The following PCBP3 variants were observed in gnomAD, a reference collection of about 807,000 sequenced individuals.
PCBP3 encodes poly(rC) binding protein 3, also known as poly(rC)-binding protein 3.
Under a neutral mutation model 52.7 loss-of-function variants are expected in PCBP3, and 25 were observed. The ratio of observed to expected loss-of-function variants is 0.47; its 90% CI spans 0.35 to 0.66. The LOEUF is 0.66. PCBP3 is among the 30% of genes least tolerant of loss of function. The probability of loss-of-function intolerance (pLI) is 0.01; values close to 1 mark genes in which losing one functional copy is unlikely to be tolerated. For synonymous variants in PCBP3, 162 were observed against 183.0 expected (o/e 0.89, Z 0.93); for missense variants, 391 against 490.3 (o/e 0.80, Z 1.91).
intron 2 of PCBP3, among the ~76,000 whole-genome samples, chr21:45,717,999 T>C (rs1032509743): frequency 6.6e-6 from 1 of 152,232 alleles, no homozygotes; most frequent in African/African-American, 2.4e-5. Context: ...TTACTAAACC[T>C]CTTCACTTGT....
chr21:45,759,763 C>T (rs958463661), intron 4 of PCBP3: 5 of 152,126 alleles, frequency 3.3e-5, no homozygotes, highest in African/African-American at 1.2e-4. Flanking sequence ...TGTGTGAAAG[C>T]CACCAATCTA....
intron 4 of PCBP3, among the ~76,000 whole-genome samples, chr21:45,765,917 C>T (rs1490213731): frequency 6.6e-6 from 1 of 152,184 alleles, no homozygotes; most frequent in Non-Finnish European, 1.5e-5. Context: ...ATAATGTATT[C>T]AAGTGGACGC....
At chr21:45,938,675 G>A (rs1250046582) in intron 16 of PCBP3, among the ~76,000 whole-genome samples, 7 of 152,172 alleles carry the variant, frequency 4.6e-5, no homozygotes, top group Non-Finnish European at 1.0e-4. Context: ...GTGTGGGGGA[G>A]CCCAGAGATG....
chr21:45,696,600 G>A (rs762225949), intron 2 of PCBP3, among the ~76,000 whole-genome samples: 1 of 152,048 alleles, frequency 6.6e-6, no homozygotes, highest in Non-Finnish European at 1.5e-5. Context: ...AGACCATCCT[G>A]GCCAACATCG....
Position 45,917,768 on chromosome 21 carries a change from T to A in PCBP3, c.717+139T>A. The A allele has an allele frequency of 2.6e-6, 2 of 771,010 alleles. No individual in the cohort carries two copies. Among genetic ancestry groups the A allele is most frequent in the Non-Finnish European group, 4.6e-6 (2 of 433,956 alleles). The allele number at this position is 771,010 out of a possible 1,614,324, so 47.8% of individuals were successfully genotyped here. Reference sequence around the variant, plus strand: ...TTCTCAGCGTTCCTGACCTGTGTCGTATCCATATGACCTCGAATAACCTTT... The same window carrying A: ...TTCTCAGCGTTCCTGACCTGTGTCGAATCCATATGACCTCGAATAACCTTT... On this transcript the variant is annotated intron_variant, in intron 13 of 17. Coordinates refer to ENST00000681687, the MANE Select transcript of PCBP3 (RefSeq NM_001384156.1). The surrounding 1 kb of genome is among the most constrained non-coding windows in gnomAD (Gnocchi z 5.3).
chr21:45,797,677 A>AATAC (rs1444321975), intron 4 of PCBP3, among the ~76,000 whole-genome samples: 98 of 151,696 alleles, frequency 6.5e-4, no homozygotes, highest in Middle Eastern at 3.4e-3. Context: ...AGGGAGAGTG[A>AATAC]ATGCATAGAT....
Position 45,802,900 on chromosome 21 carries a change from G to A in PCBP3, c.-125-47061G>A, listed in dbSNP as rs2092359530. ...TATAAACGACTCACTAGGTCTTGGT[G>A]CATTTTTCATTGATACTCATATATT... On this transcript the variant is annotated intron_variant, in intron 4 of 17. Transcript: ENST00000681687. This position sits in a 1 kb window ranked among gnomAD's most constrained non-coding sequence, Gnocchi z 5.1. Among the ~76,000 whole-genome samples, 1 of 152,170 alleles carries A rather than the reference G, an allele frequency of 6.6e-6. No homozygotes were observed. The highest frequency in any genetic ancestry group is 1.5e-5 in the Non-Finnish European group (1 of 68,012).
intron 1 of PCBP3, among the ~76,000 whole-genome samples, chr21:45,660,274 T>G (rs1380803380): frequency 6.6e-6 from 1 of 152,154 alleles, no homozygotes; most frequent in Non-Finnish European, 1.5e-5. Flanking sequence ...TTTTCTGATG[T>G]TAATATAGCC....
In PCBP3 at chr21:45,859,943, G is replaced by T. The variant is rs2094449294; in HGVS notation, c.10+9848G>T. 1.3e-5 allele frequency among the ~76,000 whole-genome samples: 2 copies of T among 152,234 alleles called. 1 individual carries two copies. The highest frequency in any genetic ancestry group is 4.1e-4 in the South Asian group (2 of 4,836). Reference sequence around the variant, plus strand: ...GCCGCTCCACTGTAAAACCACAGCAGCTGTGCACCAGGATGGGCCTCAGGG... The same window carrying T: ...GCCGCTCCACTGTAAAACCACAGCATCTGTGCACCAGGATGGGCCTCAGGG... On this transcript the variant is annotated intron_variant, in intron 5 of 17. Transcript: ENST00000681687.
At chr21:45,778,809 G>C (rs1329492816) in intron 4 of PCBP3, among the ~76,000 whole-genome samples, 1 of 152,178 alleles carries the variant, frequency 6.6e-6, no homozygotes, top group African/African-American at 2.4e-5. Context: ...AGTGAGGGCA[G>C]GTACCAGCTT....
intron 2 of PCBP3, among the ~76,000 whole-genome samples, chr21:45,700,950 C>T (rs897295008): frequency 6.6e-6 from 1 of 152,192 alleles, no homozygotes; most frequent in African/African-American, 2.4e-5. Flanking sequence ...AAATCATCTG[C>T]AGTATCCCTG....
At chr21:45,806,730 G>A (rs925456341) in intron 4 of PCBP3, among the ~76,000 whole-genome samples, 1 of 152,020 alleles carries the variant, frequency 6.6e-6, no homozygotes, top group Non-Finnish European at 1.5e-5. Context: ...AGGCCGCAGA[G>A]TCCCCACACC....
chr21:45,939,404 T>C (rs2077214477), intron 16 of PCBP3, among the ~76,000 whole-genome samples: 1 of 152,242 alleles, frequency 6.6e-6, no homozygotes, highest in Middle Eastern at 3.2e-3. Flanking sequence ...TCATTCTTGA[T>C]GACTGCCTTG....
rs2084851487 is a variant in PCBP3 at position 45,724,070 on chromosome 21, A to G, written c.-199-11322A>G. Reference sequence around the variant, plus strand: ...TCACTCACCTGGAGGGGGTAAGTTAATGAGACACTCTCTCCCCCAGATCTG... The same window carrying G: ...TCACTCACCTGGAGGGGGTAAGTTAGTGAGACACTCTCTCCCCCAGATCTG... On this transcript the variant is annotated intron_variant, in intron 2 of 17. Coordinates refer to ENST00000681687, the MANE Select transcript of PCBP3 (RefSeq NM_001384156.1). The surrounding 1 kb of genome is among the most constrained non-coding windows in gnomAD (Gnocchi z 5.3). Among the ~76,000 whole-genome samples the G allele has an allele frequency of 6.6e-6, 1 of 152,194 alleles. No individual in the cohort carries two copies. The highest frequency in any genetic ancestry group is 2.4e-5 in the African/African-American group (1 of 41,444).
At chr21:45,646,083 T>TCTCTCTCTCTCTCTCTCTTTCTCTCTC (rs1206207801) in intron 1 of PCBP3, among the ~76,000 whole-genome samples, 1 of 99,574 alleles carries the variant, frequency 1.0e-5, no homozygotes, top group Non-Finnish European at 2.0e-5. Flanking sequence ...CTCTCTCTCT[T>TCTCTCTCTCTCTCTCTCTTTCTCTCTC]TCTCTCTCTC....
At chr21:45,775,583 AC>A (rs1303276468) in intron 4 of PCBP3, among the ~76,000 whole-genome samples, 2 of 152,080 alleles carry the variant, frequency 1.3e-5, no homozygotes, top group South Asian at 2.1e-4. Flanking sequence ...CTCCTGGCTA[AC>A]TTTTTAAATT....
chr21:45,872,023 T>C (rs2095047568), intron 5 of PCBP3: 1 of 152,004 alleles, frequency 6.6e-6, no homozygotes, highest in Non-Finnish European at 1.5e-5. Context: ...CCCCAGAGGG[T>C]TGGGAGAGCG....
intron 2 of PCBP3, chr21:45,673,732 G>C (rs979496595): frequency 3.9e-5 from 6 of 152,286 alleles, no homozygotes; most frequent in Admixed American, 3.9e-4. Context: ...AGTACTTTCG[G>C]AAGGTAAATG....
chr21:45,813,120 CT>C (rs1173691287), intron 4 of PCBP3, among the ~76,000 whole-genome samples: 2 of 152,160 alleles, frequency 1.3e-5, no homozygotes, highest in Non-Finnish European at 2.9e-5. Context: ...CCATTTCAGT[CT>C]TTCTTCTCTT....
Sources: gnomAD v4.1 joint callset for allele counts (sites outside exome capture counted in the v4.1 genomes callset) on GRCh38, gnomAD v4.1.1 for gene constraint, Gnocchi (gnomAD v3.1) non-coding constraint, MANE v1.5 for transcripts, NCBI Gene and HGNC (gene_info 2026-07-23, HGNC 2026-07-21) for gene names.